PRKN: variants seen among roughly 807,000 people sequenced by gnomAD.
PRKN encodes the protein parkin RBR E3 ubiquitin protein ligase.
A neutral mutation model predicts 59.5 loss-of-function variants in PRKN; 56 were observed. That is an observed-to-expected ratio of 0.94 (90% CI 0.76 to 1.18). PRKN has a LOEUF of 1.18. Ranked by LOEUF, PRKN falls within the 50% of genes most tolerant of loss-of-function variation. The pLI, the probability that PRKN is intolerant of heterozygous loss-of-function variation, is 0.00. For missense variants in PRKN, 657 were observed against 596.4 expected (o/e 1.10, Z -1.06); for synonymous variants, 250 against 222.1 (o/e 1.13, Z -1.12).
At chr6:162,002,581 AT>A (rs140082922) in intron 5 of PRKN, among the ~76,000 whole-genome samples, 12,565 of 149,522 alleles carry the variant, frequency 0.084, 591 homozygotes, top group Middle Eastern at 0.13. Flanking sequence ...TCAAATAACC[AT>A]TTTTTTTTTT....
rs78487418 is a variant in PRKN at position 162,251,338 on chromosome 6, G to A, written c.412+11187C>T. 1.4e-3 allele frequency among the ~76,000 whole-genome samples: 211 copies of A among 152,250 alleles called. 7 individuals carry two copies. Among genetic ancestry groups the A allele is most frequent in the African/African-American group, 4.8e-3 (201 of 41,560 alleles). The stretch of plus-strand genomic sequence containing the variant: ...AACTGGCTGCTCATCAGAATCACCT[G>A]TGAAACCTTCAACATAGAGATTCTC... On this transcript the variant is annotated intron_variant, in intron 3 of 11. Coordinates refer to ENST00000366898, the MANE Select transcript of PRKN (RefSeq NM_004562.3).
At chr6:162,166,653 C>T (rs149625049) in intron 4 of PRKN, among the ~76,000 whole-genome samples, 9 of 152,028 alleles carry the variant, frequency 5.9e-5, no homozygotes, top group Non-Finnish European at 7.4e-5. Flanking sequence ...AAAAATGAGA[C>T]GAATTGGTAA....
intron 1 of PRKN, among the ~76,000 whole-genome samples, chr6:162,490,984 A>G (rs920231679): frequency 6.6e-6 from 1 of 152,086 alleles, no homozygotes; most frequent in Non-Finnish European, 1.5e-5. Flanking sequence ...AAATACAAAA[A>G]TTAGCTGGGC....
chr6:162,003,804 A>G (rs1385771395), intron 5 of PRKN, among the ~76,000 whole-genome samples: 1 of 152,148 alleles, frequency 6.6e-6, no homozygotes, highest in Non-Finnish European at 1.5e-5. Context: ...ATATTTTATA[A>G]AAGTCAATTA....
At chr6:161,946,414 ACTCTCTCTCT>A (rs61537965) in intron 6 of PRKN, among the ~76,000 whole-genome samples, 11,807 of 114,238 alleles carry the variant, frequency 0.1, 655 homozygotes, top group Admixed American at 0.17. Flanking sequence ...ACACACACAC[ACTCTCTCTCT>A]CTCTCTCTCT....
chr6:162,430,943 T>A (rs1583561415), intron 2 of PRKN, among the ~76,000 whole-genome samples: 2 of 152,144 alleles, frequency 1.3e-5, no homozygotes, highest in East Asian at 3.9e-4. Flanking sequence ...GGAAGAACAA[T>A]GTGCTCAGAT....
intron 6 of PRKN, among the ~76,000 whole-genome samples, chr6:161,970,246 T>C (rs905606359): frequency 6.6e-6 from 1 of 151,848 alleles, no homozygotes; most frequent in Admixed American, 6.6e-5. Context: ...CTTGCCATGT[T>C]GCCCAGGCTG....
chr6:162,429,589 C>T lies in PRKN; in HGVS notation c.171+13721G>A, dbSNP rs145582890. Among the ~76,000 whole-genome samples the T allele has an allele frequency of 4.5e-3, 679 of 152,240 alleles. 6 individuals carry two copies. The highest frequency in any genetic ancestry group is 0.015 in the African/African-American group (619 of 41,554). Reference sequence around the variant, plus strand: ...TGCCTTAGTCCAGGGCTTAGTCTCACGCTACAGTCTCCTAAGTGGCCCGCC... The same window carrying T: ...TGCCTTAGTCCAGGGCTTAGTCTCATGCTACAGTCTCCTAAGTGGCCCGCC... On this transcript the variant is annotated intron_variant, in intron 2 of 11. Transcript: ENST00000366898.
intron 6 of PRKN, among the ~76,000 whole-genome samples, chr6:161,929,082 C>G (rs542799759): frequency 1.2e-4 from 18 of 152,050 alleles, no homozygotes; most frequent in Non-Finnish European, 2.5e-4. Context: ...TGCCAATCAA[C>G]AGGTGAATGG....
At chr6:162,592,995 G>T (rs1052439038) in intron 1 of PRKN, among the ~76,000 whole-genome samples, 2 of 151,914 alleles carry the variant, frequency 1.3e-5, no homozygotes, top group African/African-American at 4.8e-5. Flanking sequence ...TGCAAGGCAG[G>T]GACCATTTAC....
intron 7 of PRKN, among the ~76,000 whole-genome samples, chr6:161,697,406 C>G (rs1786066954): frequency 6.6e-6 from 1 of 152,196 alleles, no homozygotes; most frequent in Admixed American, 6.5e-5. Context: ...AGCAACTGTG[C>G]TCTAGCAGGC....
In PRKN at chr6:161,875,002, T is replaced by TATATAAAGTATATAATATAATAA. The variant is rs1562356824; in HGVS notation, c.735-89095_735-89094insTTATTATATTATATACTTTATAT. Among the ~76,000 whole-genome samples the TATATAAAGTATATAATATAATAA allele has an allele frequency of 1.1e-3, 88 of 83,592 alleles. 1 individual carries two copies. The highest frequency in any genetic ancestry group is 5.2e-3 in the African/African-American group (83 of 16,036). The allele number at this position is 83,592 out of a possible 152,430, so 54.8% of individuals were successfully genotyped here. ...TATATTATATACTTTATATATAATA[T>TATATAAAGTATATAATATAATAA]ATTATATATTATATATAAAGTATAT... On this transcript the variant is annotated intron_variant, in intron 6 of 11. Coordinates refer to ENST00000366898, the MANE Select transcript of PRKN (RefSeq NM_004562.3).
chr6:162,528,709 TAC>T (rs34892727), intron 1 of PRKN, among the ~76,000 whole-genome samples: 38,750 of 151,798 alleles, frequency 0.26, 6,132 homozygotes, highest in Non-Finnish European at 0.36. Flanking sequence ...AGATTGATTC[TAC>T]GAGTCCTGAA....
chr6:162,532,396 G>T (rs73591861), intron 1 of PRKN, among the ~76,000 whole-genome samples: 3,567 of 152,264 alleles, frequency 0.023, 152 homozygotes, highest in African/African-American at 0.08. Context: ...ATCCCCCCAG[G>T]GGCTGACAGG....
intron 1 of PRKN, among the ~76,000 whole-genome samples, chr6:162,464,783 C>T (rs1012893689): frequency 9.9e-5 from 15 of 151,134 alleles, no homozygotes; most frequent in Admixed American, 4.0e-4. Context: ...GAGCCGAGAT[C>T]GCGCCACTGC....
chr6:162,643,681 AT>A (rs2128225067), intron 1 of PRKN, among the ~76,000 whole-genome samples: 1 of 152,264 alleles, frequency 6.6e-6, no homozygotes, highest in South Asian at 2.1e-4. Flanking sequence ...GAAAATATTA[AT>A]TTCATGTTTA....
At chr6:162,709,790 T>C (rs1030991471) in intron 1 of PRKN, among the ~76,000 whole-genome samples, 1 of 151,254 alleles carries the variant, frequency 6.6e-6, no homozygotes, top group African/African-American at 2.4e-5. Context: ...TGAAGGAACA[T>C]AGCTATCTGG....
At chr6:162,427,076 A>G (rs1175922614) in intron 2 of PRKN, among the ~76,000 whole-genome samples, 4 of 152,246 alleles carry the variant, frequency 2.6e-5, no homozygotes, top group Non-Finnish European at 1.5e-5. Flanking sequence ...ACAAAATGCA[A>G]ATGAATAGTA....
chr6:162,066,684 G>A (rs1006561532), intron 4 of PRKN, among the ~76,000 whole-genome samples: 1 of 152,196 alleles, frequency 6.6e-6, no homozygotes, highest in Non-Finnish European at 1.5e-5. Flanking sequence ...ACCAGGCCTT[G>A]ACCTGCTGGG....
Sources: gnomAD v4.1 joint callset for allele counts (sites outside exome capture counted in the v4.1 genomes callset) on GRCh38, gnomAD v4.1.1 for gene constraint, MANE v1.5 for transcripts, NCBI Gene and HGNC (gene_info 2026-07-23, HGNC 2026-07-21) for gene names.